The following ZNF536 variants were observed in gnomAD, a reference collection of about 807,000 sequenced individuals.
ZNF536 encodes the protein zinc finger protein 536.
A neutral mutation model predicts 84.5 loss-of-function variants in ZNF536; 13 were observed. The observed-to-expected ratio is 0.15, with a 90% CI of 0.10 to 0.24. The LOEUF (loss-of-function observed/expected upper bound fraction) is 0.24, where lower values mean the gene tolerates loss of function less well. ZNF536 is among the 10% of genes least tolerant of loss of function. The pLI, the probability that ZNF536 is intolerant of heterozygous loss-of-function variation, is 1.00. For missense variants in ZNF536, 1,536 were observed against 1,747.5 expected, an observed-to-expected ratio of 0.88 and a Z score of 2.16; for synonymous variants, 811 against 742.5, an observed-to-expected ratio of 1.09 and a Z score of -1.50.
intron 1 of ZNF536, among the ~76,000 whole-genome samples, chr19:30,271,294 C>CTTTTTTTTTTTTTTTTTTTTTTTTTTTT (rs879683203): frequency 9.7e-6 from 1 of 103,198 alleles, no homozygotes; most frequent in East Asian, 2.9e-4. Flanking sequence ...GTGTTTTTTT[C>CTTTTTTTTTTTTTTTTTTTTTTTTTTTT]TTTTCTTTTT....
chr19:30,324,067 T>C (rs933093084), intron 2 of ZNF536, among the ~76,000 whole-genome samples: 32 of 151,748 alleles, frequency 2.1e-4, no homozygotes, highest in African/African-American at 7.7e-4. Flanking sequence ...TATCTACTTA[T>C]TCATCATCAT....
intron 1 of ZNF536, among the ~76,000 whole-genome samples, chr19:30,395,372 T>C (rs1044786587): frequency 6.6e-6 from 1 of 152,208 alleles, no homozygotes; most frequent in African/African-American, 2.4e-5. Context: ...CACATCTGGT[T>C]TGGGGTGGAC....
intron 3 of ZNF536, among the ~76,000 whole-genome samples, chr19:30,539,857 G>A (rs1285492227): frequency 6.6e-6 from 1 of 152,194 alleles, no homozygotes; most frequent in East Asian, 1.9e-4. Flanking sequence ...GTTCCCTACC[G>A]AGGCTCTCCC....
intron 2 of ZNF536, among the ~76,000 whole-genome samples, chr19:30,299,057 C>T (rs922037961): frequency 5.3e-5 from 8 of 152,106 alleles, no homozygotes; most frequent in African/African-American, 1.4e-4. Flanking sequence ...GTGTGGGCTT[C>T]GTGGTATGAG....
rs79804354 is a variant in ZNF536, at chr19:30,593,772, C to T, written c.169+44258C>T. 9.9e-3 allele frequency among the ~76,000 whole-genome samples: 1,503 copies of T among 152,312 alleles called. 33 individuals are homozygous for T. The highest frequency in any genetic ancestry group is 0.034 in the African/African-American group (1,430 of 41,560). ...TGGTCATTCACCCAACTGACAGAGA[C>T]CTCCAAGGTATCAAGGCTATCTCCT... On this transcript the variant is annotated intron_variant, in intron 1 of 1. Coordinates refer to the ZNF536 transcript ENST00000592773.
intron 2 of ZNF536, among the ~76,000 whole-genome samples, chr19:30,499,818 T>A (rs2054876151): frequency 6.6e-6 from 1 of 152,188 alleles, no homozygotes; most frequent in Non-Finnish European, 1.5e-5. Flanking sequence ...TGGTTAACTC[T>A]TATCCAGCAA....
intron 1 of ZNF536, among the ~76,000 whole-genome samples, chr19:30,685,318 A>C (rs2051133027): frequency 6.6e-6 from 1 of 152,210 alleles, no homozygotes; most frequent in African/African-American, 2.4e-5. Flanking sequence ...AGGTAGCCCC[A>C]TCTGAGCTGA....
At chr19:30,494,795 A>T (rs1425020601) in intron 2 of ZNF536, among the ~76,000 whole-genome samples, 2 of 151,816 alleles carry the variant, frequency 1.3e-5, no homozygotes, top group Non-Finnish European at 2.9e-5. Context: ...AAAATACAAA[A>T]ATCAGCCGGG....
intron 2 of ZNF536, among the ~76,000 whole-genome samples, chr19:30,340,017 T>G (rs1390343866): frequency 6.6e-6 from 1 of 152,138 alleles, no homozygotes; most frequent in Non-Finnish European, 1.5e-5. Context: ...GGACTCCCCA[T>G]GAATCCTGTC....
intron 1 of ZNF536, among the ~76,000 whole-genome samples, chr19:30,682,802 C>T (rs1033075394): frequency 3.9e-5 from 6 of 152,166 alleles, no homozygotes; most frequent in Non-Finnish European, 8.8e-5. Flanking sequence ...TGCCCTCTCC[C>T]CGGGAGTGGA....
chr19:30,266,309 C>CA (rs1332481865), intron 1 of ZNF536, among the ~76,000 whole-genome samples: 2 of 152,160 alleles, frequency 1.3e-5, no homozygotes, highest in African/African-American at 4.8e-5. Context: ...ATCAGCCTCC[C>CA]AAGGTGCTGG....
At chr19:30,688,087 A>G (rs7260551) in intron 1 of ZNF536, among the ~76,000 whole-genome samples, 31,466 of 151,284 alleles carry the variant, frequency 0.21, 3,401 homozygotes, top group African/African-American at 0.26. Context: ...CTGAGGATTA[A>G]ACACCCAGAA....
At chr19:30,647,000 C>A (rs2049498558) in intron 1 of ZNF536, among the ~76,000 whole-genome samples, 1 of 152,164 alleles carries the variant, frequency 6.6e-6, no homozygotes, top group South Asian at 2.1e-4. Flanking sequence ...CACCCCCCAC[C>A]ACACTCACAC....
intron 2 of ZNF536, among the ~76,000 whole-genome samples, chr19:30,294,714 A>C (rs759197755): frequency 1.3e-5 from 2 of 152,116 alleles, no homozygotes; most frequent in Non-Finnish European, 2.9e-5. Flanking sequence ...AGGTTTTGGA[A>C]GTTTGCGGAA....
intron 4 of ZNF536, 43 bp downstream of exon 4, chr19:30,549,557 A>T (rs1181025108): frequency 6.7e-7 from 1 of 1,490,148 alleles, no homozygotes; most frequent in African/African-American, 1.4e-5. Context: ...TTCCCAAAAC[A>T]TCAGTGCTGA....
At position 30,241,271 on chromosome 19, in the gene ZNF536, T is replaced by C. The variant is rs114999097; in HGVS notation, c.-190+12598T>C. On this transcript the variant is annotated intron_variant, in intron 1 of 5. Coordinates refer to the ZNF536 transcript ENST00000585628. ...TCGAGCCTACAGTGAACAGTGATTG[T>C]GCCACTGCACTCCAGCCTAGGTGAC... 4.8e-3 allele frequency among the ~76,000 whole-genome samples: 733 copies of C among 152,316 alleles called. 2 individuals are homozygous for C. Among genetic ancestry groups the C allele is most frequent in the African/African-American group, 0.017 (697 of 41,562 alleles).
intron 1 of ZNF536, among the ~76,000 whole-genome samples, chr19:30,678,229 C>T (rs1245936299): frequency 6.6e-6 from 1 of 152,134 alleles, no homozygotes. Flanking sequence ...AAAGGCTGGG[C>T]CGGGTTATGG....
intron 1 of ZNF536, among the ~76,000 whole-genome samples, chr19:30,625,281 C>T (rs1248725945): frequency 6.6e-6 from 1 of 152,192 alleles, no homozygotes; most frequent in Admixed American, 6.5e-5. Context: ...GTCATGATCA[C>T]TTGACCAACA....
At chr19:30,627,881 G>A (rs77806374) in intron 1 of ZNF536, among the ~76,000 whole-genome samples, 2,090 of 152,310 alleles carry the variant, frequency 0.014, 30 homozygotes, top group Middle Eastern at 0.041. Context: ...GCAGCTTGCA[G>A]TAATGGCTCA....
Sources: gnomAD v4.1 joint callset for allele counts (sites outside exome capture counted in the v4.1 genomes callset) on GRCh38, gnomAD v4.1.1 for gene constraint, MANE v1.5 for transcripts, NCBI Gene and HGNC (gene_info 2026-07-23, HGNC 2026-07-21) for gene names.